DYM: variants seen among roughly 807,000 people sequenced by gnomAD.
The protein encoded by DYM is dyggve-Melchior-Clausen syndrome protein.
In DYM, 78 loss-of-function variants were observed where a neutral mutation model predicts 93.1. The ratio of observed to expected loss-of-function variants is 0.84; its 90% CI spans 0.70 to 1.01. The LOEUF (loss-of-function observed/expected upper bound fraction) is 1.01. Ranked by LOEUF, DYM falls within the 50% of genes least tolerant of loss-of-function variation. The pLI, the probability that DYM is intolerant of heterozygous loss-of-function variation, is 0.00. For synonymous variants in DYM, 321 were observed against 319.7 expected, an observed-to-expected ratio of 1.00 and a Z score of -0.04; for missense variants, 789 against 845.0, an observed-to-expected ratio of 0.93 and a Z score of 0.82.
intron 14 of DYM, among the ~76,000 whole-genome samples, chr18:49,172,795 G>C (rs954715685): frequency 2.0e-5 from 3 of 151,946 alleles, no homozygotes; most frequent in Admixed American, 6.6e-5. Flanking sequence ...AAATTCATCA[G>C]TTCATCACAT....
intron 17 of DYM, among the ~76,000 whole-genome samples, chr18:49,077,951 G>A (rs2099832467): frequency 6.6e-6 from 1 of 152,076 alleles, no homozygotes; most frequent in African/African-American, 2.4e-5. Flanking sequence ...TGTAATTATT[G>A]ATATGGTTAG....
At chr18:49,389,559 C>A (rs2068981485) in intron 3 of DYM, among the ~76,000 whole-genome samples, 1 of 152,102 alleles carries the variant, frequency 6.6e-6, no homozygotes, top group Non-Finnish European at 1.5e-5. Context: ...TCCAGTGGCG[C>A]CATCATGGTT....
chr18:49,070,775 A>G (rs2076820048), intron 17 of DYM, among the ~76,000 whole-genome samples: 1 of 152,212 alleles, frequency 6.6e-6, no homozygotes, highest in Admixed American at 6.5e-5. Flanking sequence ...GAAAATCTCT[A>G]TTGCAAATAG....
intron 3 of DYM, among the ~76,000 whole-genome samples, chr18:49,389,850 A>AT (rs111256123): frequency 0.092 from 13,859 of 151,022 alleles, 858 homozygotes; most frequent in East Asian, 0.31. Flanking sequence ...TCTTAATGTA[A>AT]TTTTTTCTTT....
intron 17 of DYM, among the ~76,000 whole-genome samples, chr18:49,071,346 G>T (rs1247813429): frequency 6.6e-6 from 1 of 152,152 alleles, no homozygotes; most frequent in Admixed American, 6.5e-5. Context: ...AAACTGAATG[G>T]AGAAAAATAA....
At chr18:49,391,436 T>C (rs558858060) in intron 3 of DYM, 157 bp downstream of exon 3, 2 of 721,120 alleles carry the variant, frequency 2.8e-6, no homozygotes, top group East Asian at 5.7e-5. Flanking sequence ...GACTGAAGGG[T>C]ACCTTCTAGC....
intron 17 of DYM, among the ~76,000 whole-genome samples, chr18:49,055,150 G>C (rs2144492318): frequency 6.6e-6 from 1 of 152,300 alleles, no homozygotes; most frequent in East Asian, 1.9e-4. Context: ...CAGGGCTGGG[G>C]TGGGGGTTGC....
chr18:49,078,267 A>C (rs1462773784), intron 17 of DYM, among the ~76,000 whole-genome samples: 1 of 152,160 alleles, frequency 6.6e-6, no homozygotes, highest in Admixed American at 6.5e-5. Context: ...TCTGTAACTC[A>C]AAGGATAAAT....
At chr18:49,221,833 C>A (rs1433316478) in intron 13 of DYM, among the ~76,000 whole-genome samples, 2 of 151,994 alleles carry the variant, frequency 1.3e-5, no homozygotes, top group East Asian at 1.9e-4. Flanking sequence ...GTGGAGCACA[C>A]CAGCATGGCA....
At chr18:49,267,678 G>T (rs1366868505) in intron 11 of DYM, among the ~76,000 whole-genome samples, 1 of 152,140 alleles carries the variant, frequency 6.6e-6, no homozygotes, top group African/African-American at 2.4e-5. Context: ...TGGATCACTC[G>T]AGGTCAGGAG....
chr18:49,185,408 A>T (rs1250854219), intron 14 of DYM, among the ~76,000 whole-genome samples: 1 of 152,238 alleles, frequency 6.6e-6, no homozygotes, highest in Non-Finnish European at 1.5e-5. Context: ...ATGACTGTGG[A>T]AACTTGTCTA....
chr18:49,066,982 T>C (rs2076443314), intron 17 of DYM, among the ~76,000 whole-genome samples: 1 of 152,220 alleles, frequency 6.6e-6, no homozygotes. Context: ...TAGCAGGTCC[T>C]TGACATCAGG....
intron 14 of DYM, among the ~76,000 whole-genome samples, chr18:49,171,169 G>A (rs997305453): frequency 1.3e-5 from 2 of 152,146 alleles, no homozygotes; most frequent in Non-Finnish European, 2.9e-5. Context: ...CAGAAAATAG[G>A]TGTAGATTTT....
At chr18:49,403,998 G>T (rs2071155352) in intron 2 of DYM, among the ~76,000 whole-genome samples, 2 of 147,472 alleles carry the variant, frequency 1.4e-5, no homozygotes, top group East Asian at 2.0e-4. Flanking sequence ...TGTTTTTTCT[G>T]TTTTTTTTTT....
At chr18:49,330,299 G>GA (rs988250853) in intron 8 of DYM, among the ~76,000 whole-genome samples, 1 of 151,490 alleles carries the variant, frequency 6.6e-6, no homozygotes, top group Non-Finnish European at 1.5e-5. Flanking sequence ...AAAACCGTGA[G>GA]AAAAAAAAGA....
intron 3 of DYM, among the ~76,000 whole-genome samples, chr18:49,384,624 C>CAAAAA (rs67349630): frequency 8.7e-5 from 11 of 126,870 alleles, no homozygotes; most frequent in African/African-American, 3.3e-4. Flanking sequence ...CACTCCATCT[C>CAAAAA]AAAAAAAAAA....
intron 14 of DYM, among the ~76,000 whole-genome samples, chr18:49,203,480 G>C (rs566783420): frequency 1.3e-5 from 2 of 148,708 alleles, no homozygotes; most frequent in African/African-American, 2.5e-5. Flanking sequence ...AAGTAGACAT[G>C]GGAGACTTTT....
intron 16 of DYM, among the ~76,000 whole-genome samples, chr18:49,109,509 C>T (rs1177196255): frequency 6.6e-6 from 1 of 152,144 alleles, no homozygotes; most frequent in Non-Finnish European, 1.5e-5. Context: ...TGATATGGTA[C>T]CCTACTTGTG....
intron 11 of DYM, among the ~76,000 whole-genome samples, chr18:49,266,137 C>T (rs546258799): frequency 4.0e-5 from 6 of 151,772 alleles, no homozygotes; most frequent in African/African-American, 1.5e-4. Context: ...ATTAAACTAA[C>T]AAAAAATTGG....
Sources: allele counts gnomAD v4.1 joint callset (sites outside exome capture counted in the v4.1 genomes callset), GRCh38; gene constraint gnomAD v4.1.1; transcripts MANE v1.5; gene names NCBI Gene and HGNC (gene_info 2026-07-23, HGNC 2026-07-21).